The following KCNT2 variants were observed in gnomAD, a reference collection of about 807,000 sequenced individuals.
The protein encoded by KCNT2 is potassium sodium-activated channel subfamily T member 2.
Under a neutral mutation model 153.8 loss-of-function variants are expected in KCNT2, and 67 were observed. The ratio of observed to expected loss-of-function variants is 0.44; its 90% CI spans 0.36 to 0.53. The LOEUF (loss-of-function observed/expected upper bound fraction) is 0.53. KCNT2 is among the 20% of genes least tolerant of loss of function. KCNT2 has a pLI of 0.00. For synonymous variants in KCNT2, 500 were observed against 458.8 expected, an observed-to-expected ratio of 1.09 and a Z score of -1.15; for missense variants, 975 against 1,354.8, an observed-to-expected ratio of 0.72 and a Z score of 4.40.
At chr1:196,489,790 C>G (rs779147977) in intron 3 of KCNT2, 48 bp downstream of exon 3, 4 of 1,014,714 alleles carry the variant, frequency 3.9e-6, no homozygotes, top group Non-Finnish European at 6.0e-6. Context: ...TGATACAACT[C>G]AAAATAATCA....
chr1:196,570,816 G>A (rs1232205858), intron 1 of KCNT2, among the ~76,000 whole-genome samples: 2 of 152,082 alleles, frequency 1.3e-5, no homozygotes, highest in African/African-American at 4.8e-5. Context: ...ACAGAACACA[G>A]AGAGTTCATC....
chr1:196,388,500 T>TAA (rs1224543612), intron 13 of KCNT2, among the ~76,000 whole-genome samples: 1 of 151,704 alleles, frequency 6.6e-6, no homozygotes, highest in African/African-American at 2.4e-5. Context: ...ATTAACATGT[T>TAA]AAAATATTGA....
intron 8 of KCNT2, among the ~76,000 whole-genome samples, chr1:196,461,116 A>G (rs1050094977): frequency 1.5e-4 from 23 of 151,900 alleles, no homozygotes; most frequent in African/African-American, 5.3e-4. Context: ...TCCAAACTAC[A>G]GTACTTATCT....
intron 5 of KCNT2, among the ~76,000 whole-genome samples, chr1:196,475,063 C>T (rs532851954): frequency 1.1e-4 from 16 of 152,162 alleles, no homozygotes; most frequent in African/African-American, 2.6e-4. Flanking sequence ...TTTAGAATGT[C>T]TAATTTCAAG....
chr1:196,461,056 C>T (rs1483314396), intron 8 of KCNT2, among the ~76,000 whole-genome samples: 1 of 151,496 alleles, frequency 6.6e-6, no homozygotes, highest in African/African-American at 2.4e-5. Flanking sequence ...AACTAGGAAC[C>T]AAATATGACA....
Position 196,227,935 on chromosome 1 carries a change from T to C in KCNT2, c.*289A>G. 4.5e-6 allele frequency: 1 copy of C among 222,050 alleles called. No individual in the cohort carries two copies. The highest frequency in any genetic ancestry group is 8.8e-6 in the Non-Finnish European group (1 of 114,102). The allele number at this position is 222,050 out of a possible 1,614,324, so 13.8% of individuals were successfully genotyped here. A position where few individuals can be genotyped will look rare whatever the true frequency, so the allele number is the denominator to read the frequency against. On this transcript the variant is annotated 3_prime_UTR_variant, in exon 28 of 28. Coordinates refer to ENST00000294725, the MANE Select transcript of KCNT2 (RefSeq NM_198503.5). ...AAACCTTAATAATTTTTAAAATTGC[T>C]TTCATAGAGTTTGGATTATTATAAA...
chr1:196,487,933 T>C (rs1679562737), intron 3 of KCNT2, among the ~76,000 whole-genome samples: 1 of 152,006 alleles, frequency 6.6e-6, no homozygotes. Flanking sequence ...AGTGATGAAC[T>C]GTAAGCATCA....
At position 196,502,651 on chromosome 1, in the gene KCNT2, G is replaced by C. The variant is rs188836096; in HGVS notation, c.96-10310C>G. Among the ~76,000 whole-genome samples the C allele has an allele frequency of 1.2e-3, 188 of 152,192 alleles. 1 individual carries two copies. The highest frequency in any genetic ancestry group is 4.3e-3 in the African/African-American group (177 of 41,548). On this transcript the variant is annotated intron_variant, in intron 1 of 27. Coordinates refer to ENST00000294725, the MANE Select transcript of KCNT2 (RefSeq NM_198503.5). The stretch of plus-strand genomic sequence containing the variant: ...CACAACCTGCAGGTAACTGGAAATA[G>C]TCTTGTGGTTTCCATGGTAAAACAC...
chr1:196,485,905 T>C (rs1164881472), intron 3 of KCNT2, among the ~76,000 whole-genome samples: 1 of 151,758 alleles, frequency 6.6e-6, no homozygotes, highest in Non-Finnish European at 1.5e-5. Flanking sequence ...TAATTTCAAA[T>C]GAAAATTTAA....
chr1:196,241,680 T>C (rs1028524440), intron 26 of KCNT2, among the ~76,000 whole-genome samples: 31 of 152,044 alleles, frequency 2.0e-4, no homozygotes, highest in African/African-American at 7.2e-4. Flanking sequence ...TATGAAACTA[T>C]GAGCAAAATG....
chr1:196,502,012 G>A (rs1416078402), intron 1 of KCNT2, among the ~76,000 whole-genome samples: 1 of 152,170 alleles, frequency 6.6e-6, no homozygotes, highest in East Asian at 1.9e-4. Context: ...CCAGACTCAG[G>A]AAGCAGAGGC....
intron 14 of KCNT2, among the ~76,000 whole-genome samples, chr1:196,342,813 T>C (rs988580111): frequency 2.0e-5 from 3 of 152,138 alleles, no homozygotes; most frequent in African/African-American, 7.2e-5. Context: ...AAAGACACTT[T>C]TCTTATTTTA....
chr1:196,245,100 T>C (rs1571775619), intron 26 of KCNT2, among the ~76,000 whole-genome samples: 1 of 152,282 alleles, frequency 6.6e-6, no homozygotes, highest in East Asian at 1.9e-4. Flanking sequence ...ACCAACAATG[T>C]AATACTTTTA....
At chr1:196,229,029 G>A (rs1653721093) in intron 27 of KCNT2, among the ~76,000 whole-genome samples, 1 of 152,062 alleles carries the variant, frequency 6.6e-6, no homozygotes, top group Admixed American at 6.6e-5. Flanking sequence ...ATGTTTATCT[G>A]CCAAACTCAA....
intron 1 of KCNT2, among the ~76,000 whole-genome samples, chr1:196,518,809 A>T (rs1188853790): frequency 6.6e-6 from 1 of 152,162 alleles, no homozygotes; most frequent in Non-Finnish European, 1.5e-5. Flanking sequence ...AAAGAAACCT[A>T]CAAAGAAACT....
chr1:196,494,167 A>C (rs920125581), intron 1 of KCNT2, among the ~76,000 whole-genome samples: 1 of 152,230 alleles, frequency 6.6e-6, no homozygotes, highest in Non-Finnish European at 1.5e-5. Flanking sequence ...CTTGTTTATC[A>C]AATGAAAAGT....
At chr1:196,425,209 C>T (rs988032221) in intron 11 of KCNT2, among the ~76,000 whole-genome samples, 8 of 152,016 alleles carry the variant, frequency 5.3e-5, no homozygotes, top group Admixed American at 5.3e-4. Context: ...TCTCACTCTA[C>T]TCATATGATA....
At chr1:196,497,611 T>C (rs1369630864) in intron 1 of KCNT2, among the ~76,000 whole-genome samples, 3 of 152,148 alleles carry the variant, frequency 2.0e-5, no homozygotes, top group Non-Finnish European at 4.4e-5. Flanking sequence ...TGAGGAACAA[T>C]TGTATTTTGT....
intron 1 of KCNT2, among the ~76,000 whole-genome samples, chr1:196,519,991 A>T (rs1021257888): frequency 1.3e-5 from 2 of 152,104 alleles, no homozygotes; most frequent in Non-Finnish European, 2.9e-5. Flanking sequence ...GCAGAGGCAC[A>T]ACAACAACAG....
Sources: gnomAD v4.1 joint callset for allele counts (sites outside exome capture counted in the v4.1 genomes callset) on GRCh38, gnomAD v4.1.1 for gene constraint, MANE v1.5 for transcripts, NCBI Gene and HGNC (gene_info 2026-07-23, HGNC 2026-07-21) for gene names.